The following CLVS1 variants were observed in gnomAD, a reference collection of about 807,000 sequenced individuals.
CLVS1 encodes the protein clavesin-1.
In CLVS1, 10 loss-of-function variants were observed where a neutral mutation model predicts 33.1. The ratio of observed to expected loss-of-function variants is 0.30; its 90% CI spans 0.19 to 0.51. The LOEUF is 0.51. Among genes scored for constraint, CLVS1 ranks in the 20% least tolerant of loss-of-function variants. The pLI is 0.97. For missense variants in CLVS1, 343 were observed against 433.4 expected, an observed-to-expected ratio of 0.79 and a Z score of 1.85; for synonymous variants, 163 against 166.1, an observed-to-expected ratio of 0.98 and a Z score of 0.14.
Position 61,252,750 on chromosome 8 carries a change from T to C in CLVS1, c.-151-46927T>C, listed in dbSNP as rs553351999. Among the ~76,000 whole-genome samples, 20 of 152,330 alleles carry C rather than the reference T, an allele frequency of 1.3e-4. No homozygotes were observed. The South Asian group carries it at 3.9e-3, about 30-fold the overall frequency. ...GATTACAATCGCAACTCCTGCTTTT[T>C]CTTTTGCTTTCCATTTGCTTGGTAA... On this transcript the variant is annotated intron_variant, in intron 2 of 2. Coordinates refer to the CLVS1 transcript ENST00000522621.
chr8:61,089,295 T>C (rs1437584085), intron 1 of CLVS1, among the ~76,000 whole-genome samples: 1 of 152,206 alleles, frequency 6.6e-6, no homozygotes, highest in Non-Finnish European at 1.5e-5. Flanking sequence ...CTCTAATTTA[T>C]ACTGCAAATA....
intron 5 of CLVS1, among the ~76,000 whole-genome samples, chr8:61,473,402 A>T (rs930779346): frequency 1.3e-5 from 2 of 151,822 alleles, no homozygotes; most frequent in East Asian, 3.9e-4. Flanking sequence ...GAGGGGGAAA[A>T]TGACGGGGGT....
intron 2 of CLVS1, among the ~76,000 whole-genome samples, chr8:61,176,046 G>A (rs918084976): frequency 1.3e-5 from 2 of 152,174 alleles, no homozygotes; most frequent in African/African-American, 4.8e-5. Context: ...CCTTTACAGA[G>A]TTAAGGGCAA....
At chr8:61,190,757 T>C (rs1199612500) in intron 2 of CLVS1, among the ~76,000 whole-genome samples, 1 of 152,104 alleles carries the variant, frequency 6.6e-6, no homozygotes, top group Non-Finnish European at 1.5e-5. Context: ...TCTATGCAAA[T>C]AAACTAGAAA....
intron 1 of CLVS1, among the ~76,000 whole-genome samples, chr8:61,288,763 C>A (rs1245627434): frequency 2.0e-5 from 3 of 152,186 alleles, no homozygotes; most frequent in Non-Finnish European, 4.4e-5. Flanking sequence ...AATGGAGAAT[C>A]ACCAGGAAGC....
intron 3 of CLVS1, among the ~76,000 whole-genome samples, chr8:61,390,801 T>C (rs754907649): frequency 9.2e-5 from 14 of 152,366 alleles, no homozygotes; most frequent in Admixed American, 4.6e-4. Context: ...AATTAACATT[T>C]TATCTCATCA....
intron 2 of CLVS1, among the ~76,000 whole-genome samples, chr8:61,330,142 C>A (rs1280820521): frequency 1.3e-5 from 2 of 152,140 alleles, no homozygotes; most frequent in African/African-American, 4.8e-5. Context: ...TCCCTTCTTG[C>A]AAAGCTAGGT....
chr8:61,374,792 T>C (rs1813575472), intron 2 of CLVS1, among the ~76,000 whole-genome samples: 1 of 152,142 alleles, frequency 6.6e-6, no homozygotes, highest in African/African-American at 2.4e-5. Context: ...CCACCATGCT[T>C]AGATAGTTGA....
intron 2 of CLVS1, among the ~76,000 whole-genome samples, chr8:61,137,478 T>C (rs1323537893): frequency 6.6e-6 from 1 of 152,144 alleles, no homozygotes; most frequent in Non-Finnish European, 1.5e-5. Flanking sequence ...TGTCATGAGG[T>C]GTAGAAGGGA....
chr8:61,099,030 T>A lies in CLVS1; in HGVS notation c.-242-32740T>A, dbSNP rs928549464. Reference sequence around the variant, plus strand: ...CTTTTAATATAGACCCTTAAACTTCTCTTACATAGAATCAGGAAATTCCAT... The same window carrying A: ...CTTTTAATATAGACCCTTAAACTTCACTTACATAGAATCAGGAAATTCCAT... On this transcript the variant is annotated intron_variant, in intron 1 of 2. Coordinates refer to the CLVS1 transcript ENST00000522621. 4.6e-5 allele frequency among the ~76,000 whole-genome samples: 7 copies of A among 152,156 alleles called. No homozygotes were observed. In the South Asian group the frequency reaches 1.4e-3, roughly 31 times the overall value.
chr8:60,990,835 A>T, the CLVS1 span, among the ~76,000 whole-genome samples: 1 of 151,630 alleles, frequency 6.6e-6, no homozygotes, highest in Non-Finnish European at 1.5e-5. Flanking sequence ...CAGCCTCCCG[A>T]ATAGCTGGGA....
the CLVS1 span, among the ~76,000 whole-genome samples, chr8:61,024,929 C>G: frequency 2.0e-4 from 30 of 151,860 alleles, no homozygotes; most frequent in Admixed American, 5.2e-4. Context: ...CTCACTGCAA[C>G]CTCTGCTTCC....
At chr8:61,018,337 A>T in the CLVS1 span, among the ~76,000 whole-genome samples, 1 of 152,162 alleles carries the variant, frequency 6.6e-6, no homozygotes, top group African/African-American at 2.4e-5. Flanking sequence ...CACAAATCTA[A>T]TATTTTATAT....
At chr8:61,292,201 T>C (rs1302998958) in intron 1 of CLVS1, 3 of 357,760 alleles carry the variant, frequency 8.4e-6, no homozygotes, top group Non-Finnish European at 1.7e-5. Context: ...AACCACTCCA[T>C]GTTCTGAAGA....
intron 2 of CLVS1, among the ~76,000 whole-genome samples, chr8:61,146,312 A>G (rs1291756846): frequency 6.6e-6 from 1 of 152,252 alleles, no homozygotes; most frequent in African/African-American, 2.4e-5. Flanking sequence ...TAATATTCCA[A>G]GTTTAACCCC....
chr8:61,162,134 C>T (rs1806765035), intron 2 of CLVS1, among the ~76,000 whole-genome samples: 1 of 152,164 alleles, frequency 6.6e-6, no homozygotes, highest in African/African-American at 2.4e-5. Flanking sequence ...ATTGCATGGT[C>T]TTTAAGCTCA....
intron 3 of CLVS1, among the ~76,000 whole-genome samples, chr8:61,417,123 G>A (rs1359668555): frequency 6.6e-6 from 1 of 152,202 alleles, no homozygotes; most frequent in Non-Finnish European, 1.5e-5. Flanking sequence ...GGCAGGATGA[G>A]TGTCAAGGGG....
the CLVS1 span, among the ~76,000 whole-genome samples, chr8:60,981,598 CATT>C: frequency 0.011 from 1,715 of 152,316 alleles, 33 homozygotes; most frequent in African/African-American, 0.036. Flanking sequence ...ACTGCAATGT[CATT>C]GTGCAAATAT....
intron 5 of CLVS1, among the ~76,000 whole-genome samples, chr8:61,481,676 G>C (rs187735976): frequency 6.6e-6 from 1 of 152,232 alleles, no homozygotes; most frequent in Admixed American, 6.5e-5. Context: ...GCTGAGGCTT[G>C]AGTAGGTAAA....
Sources: allele counts gnomAD v4.1 joint callset (sites outside exome capture counted in the v4.1 genomes callset), GRCh38; gene constraint gnomAD v4.1.1; transcripts MANE v1.5; gene names NCBI Gene and HGNC (gene_info 2026-07-23, HGNC 2026-07-21).